RAB44: variants seen among roughly 807,000 people sequenced by gnomAD.
The protein encoded by RAB44 is RAB44, member RAS oncogene family.
Under a neutral mutation model 93.3 loss-of-function variants are expected in RAB44, and 67 were observed. The ratio of observed to expected loss-of-function variants is 0.72; its 90% CI spans 0.59 to 0.88. The LOEUF (loss-of-function observed/expected upper bound fraction) is 0.88. Among genes scored for constraint, RAB44 ranks in the 40% least tolerant of loss-of-function variants. The pLI is 0.00. For synonymous variants in RAB44, 427 were observed against 520.3 expected, an observed-to-expected ratio of 0.82 and a Z score of 2.44; for missense variants, 1,064 against 1,261.7, an observed-to-expected ratio of 0.84 and a Z score of 2.37.
In RAB44 at chr6:36,710,200, C is replaced by T. The variant is rs1762746532; in HGVS notation, c.208-3628C>T. 2.0e-5 allele frequency among the ~76,000 whole-genome samples: 3 copies of T among 152,188 alleles called. No individual in the cohort carries two copies. In the South Asian group the frequency reaches 6.2e-4, roughly 31 times the overall value. Reference sequence around the variant, plus strand: ...TTCTGCACCCATCGAACAGTAACTCCCATACTTCCCTCTCCCCAACCCCTG... The same window carrying T: ...TTCTGCACCCATCGAACAGTAACTCTCATACTTCCCTCTCCCCAACCCCTG... On this transcript the variant is annotated intron_variant, in intron 2 of 13. Transcript: ENST00000612677.
chr6:36,730,485 G>A (rs1763334269), intron 12 of RAB44, among the ~76,000 whole-genome samples, 188 bp from the exon 13 acceptor site: 1 of 152,208 alleles, frequency 6.6e-6, no homozygotes, highest in South Asian at 2.1e-4. Flanking sequence ...CGGGGTGAAG[G>A]GACAGTGGGC....
chr6:36,712,870 ACTTATCAGTCATGTG>A (rs1374023188), intron 2 of RAB44, among the ~76,000 whole-genome samples: 1 of 152,226 alleles, frequency 6.6e-6, no homozygotes, highest in Non-Finnish European at 1.5e-5. Flanking sequence ...ATGGGGAATA[ACTTATCAGTCATGTG>A]CGGCCTCAGA....
At chr6:36,712,291 CACA>C in intron 2 of RAB44, among the ~76,000 whole-genome samples, 1 of 151,830 alleles carries the variant, frequency 6.6e-6, no homozygotes, top group Non-Finnish European at 1.5e-5. Context: ...TGACAGTAAA[CACA>C]ACAACATGAA....
intron 1 of RAB44, among the ~76,000 whole-genome samples, chr6:36,700,225 C>T (rs1050591735): frequency 4.6e-5 from 7 of 152,146 alleles, no homozygotes; most frequent in African/African-American, 1.7e-4. Flanking sequence ...TCCTAAGTTT[C>T]CAGTGAGGAA....
At chr6:36,713,077 T>C (rs971002937) in intron 2 of RAB44, among the ~76,000 whole-genome samples, 3 of 152,258 alleles carry the variant, frequency 2.0e-5, no homozygotes, top group Non-Finnish European at 2.9e-5. Context: ...AGGAGCCCAC[T>C]GGGCCATCTC....
At chr6:36,708,642 A>G (rs889120391) in intron 2 of RAB44, among the ~76,000 whole-genome samples, 5 of 152,184 alleles carry the variant, frequency 3.3e-5, no homozygotes, top group Non-Finnish European at 7.3e-5. Flanking sequence ...TTACAAGAGT[A>G]GATAGCTTTT....
chr6:36,718,648 TCA>T, intron 7 of RAB44, 60 bp downstream of exon 7: 2 of 799,890 alleles, frequency 2.5e-6, no homozygotes, highest in Non-Finnish European at 3.4e-6. Context: ...TCTATGAACC[TCA>T]GTTTCCTATC....
intron 9 of RAB44, among the ~76,000 whole-genome samples, chr6:36,724,021 C>T (rs1763168290): frequency 6.6e-6 from 1 of 151,872 alleles, no homozygotes; most frequent in African/African-American, 2.4e-5. Flanking sequence ...TTTTCTTGCC[C>T]AAGAAGCCTC....
chr6:36,708,076 G>A (rs1762692896), intron 2 of RAB44, among the ~76,000 whole-genome samples: 1 of 152,092 alleles, frequency 6.6e-6, no homozygotes, highest in Admixed American at 6.6e-5. Context: ...GCCAGGTGTG[G>A]TGGTGTGCAC....
chr6:36,715,254 C>T (rs912943071), intron 3 of RAB44, among the ~76,000 whole-genome samples: 3 of 152,142 alleles, frequency 2.0e-5, no homozygotes, highest in African/African-American at 7.2e-5. Context: ...GGTGTGATTT[C>T]CAGCAAGTCT....
Position 36,722,581 on chromosome 6 carries a change from C to T in RAB44, c.2447C>T (p.Ser816Phe). The change falls in exon 9 of 14, where the codon TCC becomes TTC. Residue 816 changes from serine to phenylalanine, a missense_variant. By Grantham distance (155) the Ser-to-Phe change is radical. Transcript: ENST00000612677. ...MDSREAGLTPSPGDPMAGGGP... is the reference protein window; with the variant it reads ...MDSREAGLTPFPGDPMAGGGP... ...TCCAGGGAAGCTGGGCTGACCCCAT[C>T]CCCGGGAGACCCCATGGCTGGAGGG... 2 of 1,550,296 alleles carry T rather than the reference C, an allele frequency of 1.3e-6. No individual in the cohort carries two copies. The highest frequency in any genetic ancestry group is 1.7e-6 in the Non-Finnish European group (2 of 1,146,792).
At position 36,722,664 on chromosome 6, in the gene RAB44, G is replaced by A; in HGVS notation, c.2530G>A (p.Val844Met). ...FHVIFLGDSN[V>M]GKTSFLHLLH... ...TGTCATCTTTCTGGGAGACTCCAAC[G>A]TGGGCAAAACATCCTTCCTGCACCT... is the stretch of plus-strand genomic sequence containing the variant. The change falls in exon 9 of 14, where the codon GTG becomes ATG. Residue 844 changes from valine to methionine, a missense_variant. Val to Met is a conservative substitution (Grantham distance 21). Coordinates refer to ENST00000612677, the MANE Select transcript of RAB44 (RefSeq NM_001257357.2). 5 of 1,550,656 alleles carry A rather than the reference G, an allele frequency of 3.2e-6. No homozygotes were observed. The highest frequency in any genetic ancestry group is 2.4e-5 in the East Asian group (1 of 40,926).
intron 2 of RAB44, among the ~76,000 whole-genome samples, chr6:36,709,587 G>A (rs942099294): frequency 3.3e-5 from 5 of 152,108 alleles, no homozygotes; most frequent in Non-Finnish European, 7.4e-5. Context: ...ACAGGGTCTT[G>A]CTCTGTTGTC....
In RAB44 at chr6:36,717,425, TG is replaced by T. The variant is rs915917411; in HGVS notation, c.641+12del. 1.4e-5 allele frequency: 17 copies of T among 1,231,492 alleles called. No homozygotes were observed. The highest frequency in any genetic ancestry group is 1.5e-5 in the Non-Finnish European group (15 of 987,842). 76.3% of individuals were successfully genotyped at this position (1,231,492 alleles called of 1,614,324 possible). On this transcript the variant is annotated splice_region_variant and intron_variant, in intron 5 of 13. Coordinates refer to ENST00000612677, the MANE Select transcript of RAB44 (RefSeq NM_001257357.2). This position sits in a 1 kb window ranked among gnomAD's most constrained non-coding sequence, Gnocchi z 4.1. Reference sequence around the variant, plus strand: ...CTGGAGCTGACCCTGAGGAAGTGAGTGGGGGGCCTGGCCGGGTGTCTGATAC... The same window carrying T: ...CTGGAGCTGACCCTGAGGAAGTGAGTGGGGGCCTGGCCGGGTGTCTGATAC...
In RAB44 at chr6:36,728,764, G is replaced by A. The variant is rs1388673031; in HGVS notation, c.2861G>A (p.Arg954Gln). The A allele has an allele frequency of 3.9e-6, 6 of 1,550,578 alleles. No homozygotes were observed. Among genetic ancestry groups the A allele is most frequent in the South Asian group, 2.4e-5 (2 of 84,052 alleles). The change falls in exon 12 of 14, where the codon CGG (arginine) becomes CAG (glutamine). Residue 954 changes from arginine to glutamine, a missense_variant. By Grantham distance (43) the Arg-to-Gln change is conservative. Transcript: ENST00000612677. ...LGNKMDCEEE[R>Q]QVSVEAGQQL... The stretch of plus-strand genomic sequence containing the variant: ...AACAAGATGGACTGTGAGGAGGAAC[G>A]GCAAGTGTCCGTGGAAGCTGGGCAG...
chr6:36,725,028 G>C (rs762436940), intron 9 of RAB44, among the ~76,000 whole-genome samples: 10 of 152,346 alleles, frequency 6.6e-5, no homozygotes, highest in Non-Finnish European at 1.0e-4. Flanking sequence ...GATGAGGAAA[G>C]CAGAGAATTG....
intron 7 of RAB44, among the ~76,000 whole-genome samples, chr6:36,719,384 C>T (rs961998868): frequency 6.6e-6 from 1 of 152,206 alleles, no homozygotes; most frequent in African/African-American, 2.4e-5. Flanking sequence ...GGGCTTTACA[C>T]ATGGGGCCAT....
In RAB44 at chr6:36,730,780, C is replaced by T. The variant is rs753753380; in HGVS notation, c.2975+31C>T. 11 of 371,654 alleles carry T rather than the reference C, an allele frequency of 3.0e-5. No individual in the cohort carries two copies. In the East Asian group the frequency reaches 5.5e-4, roughly 19 times the overall value. The allele number at this position is 371,654 out of a possible 1,614,324, so 23.0% of individuals were successfully genotyped here. A position where few individuals can be genotyped will look rare whatever the true frequency, so the allele number is the denominator to read the frequency against. On this transcript the variant is annotated intron_variant, in intron 13 of 13. Coordinates refer to ENST00000612677, the MANE Select transcript of RAB44 (RefSeq NM_001257357.2). ...TGCTGCCCGCCCCCCGCCGCCCCCA[C>T]CCCCCCCCTTGCAGAATCCTCTGGG...
At chr6:36,730,649 T>C in intron 12 of RAB44, 24 bp from the exon 13 acceptor site, 1 of 1,230,054 alleles carries the variant, frequency 8.1e-7, no homozygotes, top group East Asian at 3.2e-5. Context: ...AAGGCACATA[T>C]GTCCCTCCCT....
Sources: gnomAD v4.1 joint callset for allele counts (sites outside exome capture counted in the v4.1 genomes callset) on GRCh38, gnomAD v4.1.1 for gene constraint, Gnocchi (gnomAD v3.1) non-coding constraint, MANE v1.5 for transcripts, NCBI Gene and HGNC (gene_info 2026-07-23, HGNC 2026-07-21) for gene names.